NSD1: variants seen among roughly 807,000 people sequenced by gnomAD.
NSD1 encodes the protein nuclear receptor binding SET domain protein 1.
In NSD1, 26 loss-of-function variants were observed where a neutral mutation model predicts 242.7. That is an observed-to-expected ratio of 0.11 (90% CI 0.08 to 0.15). NSD1 has a LOEUF of 0.15. Ranked by LOEUF, NSD1 falls within the 10% of genes least tolerant of loss-of-function variation. NSD1 has a pLI of 1.00. For synonymous variants in NSD1, 1,106 were observed against 1,178.1 expected (o/e 0.94, Z 1.25); for missense variants, 2,495 against 3,272.8 (o/e 0.76, Z 5.80).
intron 19 of NSD1, 82 bp from the exon 20 acceptor site, chr5:177,283,705 A>G (rs977480364): frequency 1.5e-5 from 23 of 1,493,432 alleles, no homozygotes; most frequent in Middle Eastern, 1.7e-4. Flanking sequence ...AGAAACTCCA[A>G]CTTATTAGAG....
At chr5:177,176,439 TC>T (rs748847123) in intron 2 of NSD1, among the ~76,000 whole-genome samples, 1 of 150,704 alleles carries the variant, frequency 6.6e-6, no homozygotes, top group Admixed American at 6.6e-5. Flanking sequence ...TTTTTTTTTT[TC>T]TTCTTTTTAA....
chr5:177,270,726 G>T (rs1242286530), intron 16 of NSD1, among the ~76,000 whole-genome samples: 1 of 152,224 alleles, frequency 6.6e-6, no homozygotes, highest in Non-Finnish European at 1.5e-5. Flanking sequence ...AAGTGACATG[G>T]AAGAAGATTC....
intron 14 of NSD1, chr5:177,266,462 C>T (rs1490158162): frequency 6.5e-6 from 4 of 613,418 alleles, no homozygotes; most frequent in Admixed American, 4.7e-5. Flanking sequence ...ATGGAGTTGC[C>T]GAAGTGGGCG....
chr5:177,138,614 T>G (rs553913520), intron 2 of NSD1, among the ~76,000 whole-genome samples: 3 of 151,880 alleles, frequency 2.0e-5, no homozygotes, highest in Non-Finnish European at 4.4e-5. Flanking sequence ...ATTGCCTTTA[T>G]TTTTGCCTTT....
chr5:177,252,454 T>C lies in NSD1; in HGVS notation c.4765+601T>C, dbSNP rs72813169. Among the ~76,000 whole-genome samples, 435 of 151,334 alleles carry C rather than the reference T, an allele frequency of 2.9e-3. 1 individual carries two copies. Among genetic ancestry groups the C allele is most frequent in the Non-Finnish European group, 4.0e-3 (273 of 67,958 alleles). ...TAAAAAGATTATTTGCGGGTTATAATGCTTAGATTGGGTTAGAAAATAGGA... is the reference window on the plus strand; with the variant it reads ...TAAAAAGATTATTTGCGGGTTATAACGCTTAGATTGGGTTAGAAAATAGGA... On this transcript the variant is annotated intron_variant, in intron 12 of 22. Transcript: ENST00000439151.
intron 5 of NSD1, among the ~76,000 whole-genome samples, chr5:177,223,153 C>T (rs1389090667): frequency 1.3e-5 from 2 of 151,262 alleles, no homozygotes; most frequent in Non-Finnish European, 2.9e-5. Flanking sequence ...CGGATCTTGG[C>T]TCACTGCAAC....
At chr5:177,178,541 T>G (rs1200396855) in intron 2 of NSD1, among the ~76,000 whole-genome samples, 1 of 152,110 alleles carries the variant, frequency 6.6e-6, no homozygotes, top group African/African-American at 2.4e-5. Flanking sequence ...TAGACATGTT[T>G]TAAATTTATA....
At chr5:177,176,714 C>G (rs1227307794) in intron 2 of NSD1, among the ~76,000 whole-genome samples, 1 of 152,090 alleles carries the variant, frequency 6.6e-6, no homozygotes. Context: ...CAGTTAAAAC[C>G]TAGAAAGGCT....
intron 2 of NSD1, among the ~76,000 whole-genome samples, chr5:177,165,574 C>G (rs747714533): frequency 1.3e-5 from 2 of 151,996 alleles, no homozygotes; most frequent in African/African-American, 4.8e-5. Context: ...CATTCTGTTT[C>G]TGTAGGCTCT....
At chr5:177,279,820 T>G (rs2127255507) in intron 17 of NSD1, among the ~76,000 whole-genome samples, 1 of 150,706 alleles carries the variant, frequency 6.6e-6, no homozygotes, top group Non-Finnish European at 1.5e-5. Context: ...GGTTTCACCG[T>G]GTTAGCCAGG....
rs138195936 is a variant in NSD1, at chr5:177,137,753, C to T, written c.927+1723C>T. ...CAAATAGAATTGTAAACCTGTTTCT[C>T]GTCAAAGAGATGTTAGTGGAGTATT... On this transcript the variant is annotated intron_variant, in intron 2 of 22. Coordinates refer to ENST00000439151, the MANE Select transcript of NSD1 (RefSeq NM_022455.5). Among the ~76,000 whole-genome samples the T allele has an allele frequency of 1.4e-4, 22 of 151,848 alleles. No individual in the cohort carries two copies. The East Asian group carries it at 3.1e-3, about 21-fold the overall frequency.
At chr5:177,171,136 C>T (rs960604511) in intron 2 of NSD1, among the ~76,000 whole-genome samples, 1 of 151,700 alleles carries the variant, frequency 6.6e-6, no homozygotes, top group Non-Finnish European at 1.5e-5. Flanking sequence ...TCCTGGCCAA[C>T]GTGGTGAAAC....
chr5:177,292,657 C>T (rs2127277377), intron 22 of NSD1, among the ~76,000 whole-genome samples: 2 of 152,322 alleles, frequency 1.3e-5, no homozygotes, highest in Middle Eastern at 6.8e-3. Context: ...TCCCCTACGC[C>T]TAGTGCAGTC....
intron 3 of NSD1, among the ~76,000 whole-genome samples, chr5:177,200,811 C>A (rs933901144): frequency 6.6e-6 from 1 of 152,204 alleles, no homozygotes; most frequent in African/African-American, 2.4e-5. Flanking sequence ...TTTTTCCATT[C>A]ATCCATCAGA....
rs750453670 is a variant in NSD1 at position 177,257,096 on chromosome 5, C to G, written c.4911C>G (p.Leu1637=). ...VMQNKGFRCS[L]HICITCHAAN... The stretch of plus-strand genomic sequence containing the variant: ...AGAACAAGGGCTTCCGGTGCTCCCT[C>G]CACATCTGTATAACCTGTCATGCTG... Residue 1637 remains leucine, a synonymous_variant, in exon 13 of 23, where the codon CTC becomes CTG. Coordinates refer to ENST00000439151, the MANE Select transcript of NSD1 (RefSeq NM_022455.5). 1 of 1,614,140 alleles carries G rather than the reference C, an allele frequency of 6.2e-7. No homozygotes were observed. Among genetic ancestry groups the G allele is most frequent in the Non-Finnish European group, 8.5e-7 (1 of 1,180,028 alleles).
chr5:177,159,030 G>GATATATATATATATATATATGAATGAT (rs35942745), intron 2 of NSD1, among the ~76,000 whole-genome samples: 1 of 113,868 alleles, frequency 8.8e-6, no homozygotes. Context: ...ATATATGAAT[G>GATATATATATATATATATATGAATGAT]ATATATATAT....
chr5:177,263,900 T>G (rs1757190527), intron 14 of NSD1, among the ~76,000 whole-genome samples: 1 of 152,150 alleles, frequency 6.6e-6, no homozygotes, highest in Non-Finnish European at 1.5e-5. Context: ...TCGTAAACTA[T>G]TGTCTGCTAC....
At chr5:177,164,178 T>A (rs1395670183) in intron 2 of NSD1, among the ~76,000 whole-genome samples, 1 of 145,250 alleles carries the variant, frequency 6.9e-6, no homozygotes, top group Non-Finnish European at 1.5e-5. Flanking sequence ...TTTTTTGAGA[T>A]GGAGTCTAGC....
intron 2 of NSD1, among the ~76,000 whole-genome samples, chr5:177,144,383 T>G (rs12186838): frequency 2.8e-4 from 3 of 10,754 alleles, no homozygotes; most frequent in African/African-American, 9.5e-3. Flanking sequence ...TAAGTTTTTG[T>G]TTTTTTTTTT....
Sources: gnomAD v4.1 joint callset for allele counts (sites outside exome capture counted in the v4.1 genomes callset) on GRCh38, gnomAD v4.1.1 for gene constraint, MANE v1.5 for transcripts, NCBI Gene and HGNC (gene_info 2026-07-23, HGNC 2026-07-21) for gene names.